The following DPF3 variants were observed in gnomAD, a reference collection of about 807,000 sequenced individuals.
The protein encoded by DPF3 is double PHD fingers 3, also known as zinc finger protein DPF3.
A neutral mutation model predicts 56.8 loss-of-function variants in DPF3; 18 were observed. The observed-to-expected ratio is 0.32, with a 90% CI of 0.22 to 0.47. The LOEUF is 0.47. Among genes scored for constraint, DPF3 ranks in the 20% least tolerant of loss-of-function variants. The pLI, the probability that DPF3 is intolerant of heterozygous loss-of-function variation, is 1.00. For missense variants in DPF3, 403 were observed against 488.8 expected (o/e 0.82, Z 1.65); for synonymous variants, 188 against 180.2 (o/e 1.04, Z -0.35).
intron 1 of DPF3, among the ~76,000 whole-genome samples, chr14:72,779,087 C>G (rs1891865192): frequency 6.6e-6 from 1 of 152,198 alleles, no homozygotes; most frequent in Admixed American, 6.5e-5. Flanking sequence ...CAGCACAGAG[C>G]CTGGCACATA....
intron 1 of DPF3, among the ~76,000 whole-genome samples, chr14:72,827,771 C>A (rs113584949): frequency 7.9e-5 from 12 of 151,866 alleles, no homozygotes; most frequent in Non-Finnish European, 1.6e-4. Context: ...TGAGCCACTG[C>A]GCCTGGCCCC....
At chr14:72,705,068 C>T (rs1396054739) in intron 6 of DPF3, among the ~76,000 whole-genome samples, 1 of 152,174 alleles carries the variant, frequency 6.6e-6, no homozygotes, top group African/African-American at 2.4e-5. Flanking sequence ...GGGTCCCCAA[C>T]CCCCCGGGCT....
chr14:72,682,514 G>A (rs1192717841), intron 7 of DPF3, among the ~76,000 whole-genome samples: 3 of 152,140 alleles, frequency 2.0e-5, no homozygotes, highest in East Asian at 1.9e-4. Context: ...TGTTTAAGTT[G>A]TCGGGATATT....
chr14:72,759,677 G>A (rs1307386316), intron 2 of DPF3, among the ~76,000 whole-genome samples: 1 of 152,098 alleles, frequency 6.6e-6, no homozygotes, highest in Non-Finnish European at 1.5e-5. Context: ...ATAGGTCTAA[G>A]CAGCTCAATA....
At chr14:72,873,403 C>A (rs1468761262) in intron 1 of DPF3, among the ~76,000 whole-genome samples, 2 of 152,066 alleles carry the variant, frequency 1.3e-5, no homozygotes, top group African/African-American at 4.8e-5. Context: ...GAAAGGTGAT[C>A]ATTAAAAAGT....
rs572505963 is a variant in DPF3 at position 72,613,218 on chromosome 14, G to T, written c.*6079C>A. The stretch of plus-strand genomic sequence containing the variant: ...GCTGAGGGAATATATAGGCCCCAGG[G>T]GCTCACAGGCCTCTGCCATTTCCTA... On this transcript the variant is annotated 3_prime_UTR_variant, in exon 11 of 11. Transcript: ENST00000556509. Among the ~76,000 whole-genome samples, 3 of 152,270 alleles carry T rather than the reference G, an allele frequency of 2.0e-5. No homozygotes were observed. The highest frequency in any genetic ancestry group is 7.2e-5 in the African/African-American group (3 of 41,546).
intron 8 of DPF3, among the ~76,000 whole-genome samples, chr14:72,646,445 C>T (rs905270522): frequency 6.6e-6 from 1 of 152,178 alleles, no homozygotes; most frequent in African/African-American, 2.4e-5. Context: ...AGAAAGATGC[C>T]CACAACCTCA....
Position 72,876,391 on chromosome 14 carries a change from A to T in DPF3, c.32+17666T>A, listed in dbSNP as rs568668732. Among the ~76,000 whole-genome samples the T allele has an allele frequency of 3.3e-5, 5 of 152,258 alleles. No homozygotes were observed. In the East Asian group the frequency reaches 9.7e-4, roughly 30 times the overall value. ...AATCCCCCTTGCTGGAGGACACAGG[A>T]TGACCACCCCACCCTCCCCCTGGAG... On this transcript the variant is annotated intron_variant, in intron 1 of 10. Transcript: ENST00000556509.
intron 1 of DPF3, among the ~76,000 whole-genome samples, chr14:72,782,467 A>C (rs906978166): frequency 3.3e-5 from 5 of 152,278 alleles, no homozygotes; most frequent in Non-Finnish European, 7.4e-5. Flanking sequence ...TCAAGCAGTC[A>C]GCCCGTCTCA....
intron 2 of DPF3, among the ~76,000 whole-genome samples, chr14:72,758,684 G>T (rs1403365450): frequency 1.3e-5 from 2 of 152,186 alleles, no homozygotes; most frequent in African/African-American, 4.8e-5. Context: ...ATGGAAAACT[G>T]TATGATTCCC....
intron 6 of DPF3, among the ~76,000 whole-genome samples, chr14:72,708,179 G>A (rs1460423726): frequency 6.6e-6 from 1 of 152,178 alleles, no homozygotes; most frequent in Middle Eastern, 3.2e-3. Flanking sequence ...GAGCCCTGGA[G>A]GAGAGGAGGC....
chr14:72,822,125 C>T (rs1160083335), intron 1 of DPF3, among the ~76,000 whole-genome samples: 1 of 152,210 alleles, frequency 6.6e-6, no homozygotes, highest in African/African-American at 2.4e-5. Flanking sequence ...GGCTTGTAAT[C>T]CCAGCACTTT....
chr14:72,869,826 C>T (rs886271523), intron 1 of DPF3, among the ~76,000 whole-genome samples: 2 of 152,110 alleles, frequency 1.3e-5, no homozygotes, highest in African/African-American at 4.8e-5. Context: ...ATCTTCCTCC[C>T]TCCTATCTGG....
chr14:72,778,134 A>G (rs1891822650), intron 1 of DPF3, among the ~76,000 whole-genome samples: 1 of 152,148 alleles, frequency 6.6e-6, no homozygotes, highest in South Asian at 2.1e-4. Flanking sequence ...TAGCACCCTC[A>G]TCTTGAACTT....
intron 5 of DPF3, among the ~76,000 whole-genome samples, chr14:72,715,694 G>C (rs1241404708): frequency 6.6e-6 from 1 of 151,818 alleles, no homozygotes; most frequent in Non-Finnish European, 1.5e-5. Context: ...GGAAAGGCCT[G>C]TACCCTAGGC....
intron 6 of DPF3, among the ~76,000 whole-genome samples, chr14:72,707,193 ACATGTGC>A (rs764452677): frequency 2.1e-4 from 32 of 152,226 alleles, no homozygotes; most frequent in Non-Finnish European, 4.7e-4. Context: ...TCCATGGTGT[ACATGTGC>A]CACATTTTCT....
intron 1 of DPF3, among the ~76,000 whole-genome samples, chr14:72,833,267 GAGAC>G (rs1026069847): frequency 2.0e-5 from 3 of 152,212 alleles, no homozygotes; most frequent in Admixed American, 6.5e-5. Context: ...GTGTCTGAGA[GAGAC>G]AGAAAGGATC....
chr14:72,849,987 CAT>C (rs1884910637), intron 1 of DPF3, among the ~76,000 whole-genome samples: 1 of 152,076 alleles, frequency 6.6e-6, no homozygotes, highest in African/African-American at 2.4e-5. Context: ...GGCATGGTGT[CAT>C]ATGCCTGTAA....
At chr14:72,855,428 AG>A (rs1485374209) in intron 1 of DPF3, among the ~76,000 whole-genome samples, 3 of 152,222 alleles carry the variant, frequency 2.0e-5, no homozygotes, top group Non-Finnish European at 4.4e-5. Flanking sequence ...AAAGTAACTA[AG>A]GCACAGAGTG....
Sources: gnomAD v4.1 joint callset for allele counts (sites outside exome capture counted in the v4.1 genomes callset) on GRCh38, gnomAD v4.1.1 for gene constraint, MANE v1.5 for transcripts, NCBI Gene and HGNC (gene_info 2026-07-23, HGNC 2026-07-21) for gene names.